Variants in HSPA9 observed in about 807,000 individuals in gnomAD.
The protein encoded by HSPA9 is heat shock protein family A (Hsp70) member 9.
Under a neutral mutation model 81.5 loss-of-function variants are expected in HSPA9, and 28 were observed. The ratio of observed to expected loss-of-function variants is 0.34; its 90% CI spans 0.25 to 0.47. The LOEUF (loss-of-function observed/expected upper bound fraction) is 0.47, where lower values mean the gene tolerates loss of function less well. HSPA9 is among the 20% of genes least tolerant of loss of function. The probability of loss-of-function intolerance (pLI) is 1.00; values close to 1 mark genes in which losing one functional copy is unlikely to be tolerated. For missense variants in HSPA9, 678 were observed against 838.0 expected (o/e 0.81, Z 2.36); for synonymous variants, 293 against 290.4 (o/e 1.01, Z -0.09).
intron 9 of HSPA9, among the ~76,000 whole-genome samples, chr5:138,565,513 C>G (rs141976506): frequency 4.8e-4 from 73 of 152,146 alleles, no homozygotes; most frequent in African/African-American, 1.6e-3. Context: ...CCCAAGACAC[C>G]GGAAATAGAT....
chr5:138,575,271 T>G lies in HSPA9; in HGVS notation c.48A>C (p.Ala16=). ...RAAAARLVGA[A]ASRGPTAARH... is the part of the protein sequence containing the mutation. Reference sequence around the variant, plus strand: ...GGGCGGCCGTAGGGCCCCGGGAGGCTGCGGCGCCCACGAGACGGGCTGCTG... The same window carrying G: ...GGGCGGCCGTAGGGCCCCGGGAGGCGGCGGCGCCCACGAGACGGGCTGCTG... Residue 16 remains alanine, a synonymous_variant, in exon 1 of 17, where the codon GCA becomes GCC. Coordinates refer to ENST00000297185, the MANE Select transcript of HSPA9 (RefSeq NM_004134.7). The G allele has an allele frequency of 1.2e-6, 2 of 1,611,178 alleles. No individual in the cohort carries two copies. The highest frequency in any genetic ancestry group is 1.7e-6 in the Non-Finnish European group (2 of 1,179,338).
At chr5:138,560,463 T>C (rs1045831975) in intron 10 of HSPA9, among the ~76,000 whole-genome samples, 1 of 152,254 alleles carries the variant, frequency 6.6e-6, no homozygotes, top group African/African-American at 2.4e-5. Flanking sequence ...CATAGGCAGC[T>C]GTAGCAATAA....
chr5:138,555,243 C>T lies in HSPA9; in HGVS notation c.*794G>A, dbSNP rs982618216. Reference sequence around the variant, plus strand: ...CATTTTTAACCAGTGTTAGCAAATCCTGTATTTCCCTCTTTGGGAAATATG... The same window carrying T: ...CATTTTTAACCAGTGTTAGCAAATCTTGTATTTCCCTCTTTGGGAAATATG... On this transcript the variant is annotated 3_prime_UTR_variant, in exon 17 of 17. Transcript: ENST00000297185. The T allele has an allele frequency of 6.6e-6, 1 of 152,008 alleles. No individual in the cohort carries two copies. Among genetic ancestry groups the T allele is most frequent in the Non-Finnish European group, 1.5e-5 (1 of 68,024 alleles). 9.4% of individuals were successfully genotyped at this position (152,008 alleles called of 1,614,324 possible).
At chr5:138,561,068 C>A in intron 10 of HSPA9, 1 of 500,164 alleles carries the variant, frequency 2.0e-6, no homozygotes, top group South Asian at 1.4e-5. Flanking sequence ...GTTTTCCACA[C>A]GTTCTTTCAG....
Position 138,570,951 on chromosome 5 carries a change from G to A in HSPA9, c.410+9C>T, listed in dbSNP as rs1750869307. On this transcript the variant is annotated intron_variant, in intron 4 of 16. Transcript: ENST00000297185. ...CTGCTTTTTGCAAAAAACTTTTGCT[G>A]TTACTCACATGTCTTTCTGTACTTC... The A allele has an allele frequency of 2.5e-6, 4 of 1,613,814 alleles. No individual in the cohort carries two copies. In the East Asian group the frequency reaches 8.9e-5, roughly 36 times the overall value.
At chr5:138,560,964 G>GA (rs201193334) in intron 10 of HSPA9, 58 of 367,574 alleles carry the variant, frequency 1.6e-4, no homozygotes, top group East Asian at 1.1e-3. Context: ...GAAAAATTAA[G>GA]AAAAAAAACA....
At position 138,554,036 on chromosome 5, in the gene HSPA9, C is replaced by T. The variant is rs1296068175; in HGVS notation, c.*2001G>A. Among the ~76,000 whole-genome samples the T allele has an allele frequency of 2.0e-5, 3 of 152,288 alleles. No individual in the cohort carries two copies. Among genetic ancestry groups the T allele is most frequent in the South Asian group, 4.1e-4 (2 of 4,828 alleles). The stretch of plus-strand genomic sequence containing the variant: ...CAGCAGTGGACTGTGGGTGGGACCT[C>T]GGTTCCATAATTGTGAGCCAGTTTC... On this transcript the variant is annotated 3_prime_UTR_variant, in exon 17 of 17. Transcript: ENST00000297185.
chr5:138,569,896 G>GTT (rs11368588), intron 4 of HSPA9, among the ~76,000 whole-genome samples: 217 of 144,930 alleles, frequency 1.5e-3, no homozygotes, highest in Non-Finnish European at 1.6e-3. Flanking sequence ...TATGCTTCTA[G>GTT]TTTTTTTTTT....
Position 138,561,585 on chromosome 5 carries a change from G to A in HSPA9, c.1177C>T (p.Pro393Ser). 1 of 1,612,254 alleles carries A rather than the reference G, an allele frequency of 6.2e-7. No individual in the cohort carries two copies. The highest frequency in any genetic ancestry group is 8.5e-7 in the Non-Finnish European group (1 of 1,179,406). Residue 393 changes from proline to serine, a missense_variant, in exon 10 of 17, where the codon CCC becomes TCC. This residue lies in a region of HSPA9 where 484 missense variants were observed against 647.5 expected (regional missense o/e 0.75). Coordinates refer to ENST00000297185, the MANE Select transcript of HSPA9 (RefSeq NM_004134.7). ...AGAATTCCACTGGTCCATACCTTGG[G>A]CATCCTAGTCATGCCACCCACAAGA... ...VILVGGMTRM[P>S]KVQQTVQDLF...
rs993056714 is a variant in HSPA9, at chr5:138,554,095, C to T, written c.*1942G>A. Among the ~76,000 whole-genome samples, 1 of 152,180 alleles carries T rather than the reference C, an allele frequency of 6.6e-6. No individual in the cohort carries two copies. The highest frequency in any genetic ancestry group is 2.4e-5 in the African/African-American group (1 of 41,450). On this transcript the variant is annotated 3_prime_UTR_variant, in exon 17 of 17. Transcript: ENST00000297185. ...AGTAAATCTTATTCTAGATATATAT[C>T]CTATTGGCTGTAGGAAATCTCCATA... is the stretch of plus-strand genomic sequence containing the variant.
chr5:138,561,573 T>C lies in HSPA9; in HGVS notation c.1182+7A>G, dbSNP rs1490534949. 2 of 1,610,092 alleles carry C rather than the reference T, an allele frequency of 1.2e-6. No homozygotes were observed. The highest frequency in any genetic ancestry group is 2.2e-5 in the East Asian group (1 of 44,888). ...TCTCTCCACGACAGAATTCCACTGG[T>C]CCATACCTTGGGCATCCTAGTCATG... On this transcript the variant is annotated splice_region_variant and intron_variant, in intron 10 of 16. Coordinates refer to ENST00000297185, the MANE Select transcript of HSPA9 (RefSeq NM_004134.7).
chr5:138,574,259 G>A, intron 1 of HSPA9, 133 bp from the exon 2 acceptor site: 5 of 697,150 alleles, frequency 7.2e-6, no homozygotes, highest in Admixed American at 4.9e-5. Flanking sequence ...TCCCAAATAA[G>A]TAAGACGAAA....
chr5:138,564,749 CTA>C (rs41295727), intron 9 of HSPA9, among the ~76,000 whole-genome samples: 8,320 of 152,226 alleles, frequency 0.055, 287 homozygotes, highest in African/African-American at 0.1. Context: ...TCACAATTTC[CTA>C]TGTTTTCCTA....
rs559449450 is a variant in HSPA9 at position 138,556,971 on chromosome 5, AAAT to A, written c.1729-108_1729-106del. 3,356 of 829,146 alleles carry A rather than the reference AAAT, an allele frequency of 4.0e-3. 13 individuals carry two copies. The highest frequency in any genetic ancestry group is 9.1e-3 in the Admixed American group (500 of 55,094). 51.4% of individuals were successfully genotyped at this position (829,146 alleles called of 1,614,324 possible). The stretch of plus-strand genomic sequence containing the variant: ...ATGTGTTACATACAGTTACAGATAA[AAAT>A]AGAGTAAGAGGGAGAAATCAGAGTG... On this transcript the variant is annotated intron_variant, in intron 14 of 16. Coordinates refer to ENST00000297185, the MANE Select transcript of HSPA9 (RefSeq NM_004134.7).
At chr5:138,575,216 C>T in intron 1 of HSPA9, 22 bp downstream of exon 1, 1 of 1,570,124 alleles carries the variant, frequency 6.4e-7, no homozygotes, top group Non-Finnish European at 8.7e-7. Flanking sequence ...TGACCCCATT[C>T]GGGAAGGTCC....
intron 7 of HSPA9, 25 bp downstream of exon 7, chr5:138,567,430 T>G: frequency 1.8e-5 from 28 of 1,555,116 alleles, no homozygotes; most frequent in Non-Finnish European, 2.2e-5. Flanking sequence ...CACATCCAGG[T>G]GAGAAATTTA....
At chr5:138,573,487 T>A (rs899559506) in intron 3 of HSPA9, among the ~76,000 whole-genome samples, 1 of 151,746 alleles carries the variant, frequency 6.6e-6, no homozygotes, top group East Asian at 1.9e-4. Flanking sequence ...CTGTCTCTAC[T>A]GAAAATACAA....
intron 3 of HSPA9, 108 bp downstream of exon 3, chr5:138,573,641 CAAAAAAAAAAAAAA>C (rs57776368): frequency 5.8e-4 from 176 of 304,406 alleles, no homozygotes; most frequent in Middle Eastern, 1.1e-3. Flanking sequence ...AGACTGTCTC[CAAAAAAAAAAAAAA>C]AAAAAAAAAA....
chr5:138,567,016 C>T lies in HSPA9; in HGVS notation c.864G>A (p.Lys288=). The stretch of plus-strand genomic sequence containing the variant: ...GGTAACTCACCTCTCTCTTGAACTC[C>T]TTCACAATGTGCCGTAGCAAGGCCT... ...FDQALLRHIV[K]EFKRETGVDL... is the part of the protein sequence containing the mutation. The change falls in exon 8 of 17, where the codon AAG becomes AAA. Residue 288 remains lysine (K), a synonymous_variant. Transcript: ENST00000297185. The T allele has an allele frequency of 6.2e-7, 1 of 1,602,126 alleles. No homozygotes were observed. The highest frequency in any genetic ancestry group is 8.5e-7 in the Non-Finnish European group (1 of 1,170,332).
Sources: allele counts gnomAD v4.1 joint callset (sites outside exome capture counted in the v4.1 genomes callset), GRCh38; gene constraint gnomAD v4.1.1; regional missense constraint gnomAD v4.1.1; transcripts MANE v1.5; gene names NCBI Gene and HGNC (gene_info 2026-07-23, HGNC 2026-07-21).